GNAZ: variants seen among roughly 807,000 people sequenced by gnomAD.
GNAZ encodes the protein G protein subunit alpha z, also known as guanine nucleotide-binding protein G(z) subunit alpha.
A neutral mutation model predicts 25.4 loss-of-function variants in GNAZ; 3 were observed. The ratio of observed to expected loss-of-function variants is 0.12; its 90% CI spans 0.05 to 0.30. GNAZ has a LOEUF of 0.30. GNAZ is among the 10% of genes least tolerant of loss of function. The probability of loss-of-function intolerance (pLI) is 1.00; values close to 1 mark genes in which losing one functional copy is unlikely to be tolerated. For synonymous variants in GNAZ, 211 were observed against 205.7 expected (o/e 1.03, Z -0.22); for missense variants, 241 against 501.8 (o/e 0.48, Z 4.97).
At chr22:23,098,132 A>C (rs2069178099) in intron 2 of GNAZ, among the ~76,000 whole-genome samples, 1 of 152,172 alleles carries the variant, frequency 6.6e-6, no homozygotes, top group Non-Finnish European at 1.5e-5. Flanking sequence ...CTTGGCTCTT[A>C]CTGGCCTGTG....
At chr22:23,099,663 G>A (rs989340527) in intron 2 of GNAZ, among the ~76,000 whole-genome samples, 5 of 152,198 alleles carry the variant, frequency 3.3e-5, no homozygotes, top group East Asian at 1.9e-4. Flanking sequence ...GACCCACCAC[G>A]GGCCTCCCAC....
chr22:23,106,273 G>A (rs1026865486), intron 2 of GNAZ, among the ~76,000 whole-genome samples: 1 of 152,254 alleles, frequency 6.6e-6, no homozygotes, highest in African/African-American at 2.4e-5. Flanking sequence ...GAGGGTAAGG[G>A]GGGTGGCGCC....
rs186193996 is a variant in GNAZ, at chr22:23,122,152, A to G, written c.724-935A>G. On this transcript the variant is annotated intron_variant, in intron 2 of 2. Coordinates refer to ENST00000615612, the MANE Select transcript of GNAZ (RefSeq NM_002073.4). Reference sequence around the variant, plus strand: ...CTTTTGCCAGCAGCAAATTCCAGGTAGTTACTCCTTTTAGAAGTTAGAATT... The same window carrying G: ...CTTTTGCCAGCAGCAAATTCCAGGTGGTTACTCCTTTTAGAAGTTAGAATT... Among the ~76,000 whole-genome samples, 3 of 152,342 alleles carry G rather than the reference A, an allele frequency of 2.0e-5. No homozygotes were observed. In the East Asian group the frequency reaches 5.8e-4, roughly 29 times the overall value.
chr22:23,111,682 T>G (rs1177163667), intron 2 of GNAZ, among the ~76,000 whole-genome samples: 2 of 152,174 alleles, frequency 1.3e-5, no homozygotes, highest in Admixed American at 6.5e-5. Context: ...CACTGCAGTT[T>G]GGTGGGAGAA....
In GNAZ at chr22:23,123,472, C is replaced by T. The variant is rs374086219; in HGVS notation, c.*41C>T. On this transcript the variant is annotated 3_prime_UTR_variant, in exon 3 of 3. Transcript: ENST00000615612. ...GCCCGCCTGCCTATGGTGAAACCCACGGGGTGTCATGCCCCAACGCGTGCT... is the reference window on the plus strand; with the variant it reads ...GCCCGCCTGCCTATGGTGAAACCCATGGGGTGTCATGCCCCAACGCGTGCT... The T allele has an allele frequency of 1.7e-5, 24 of 1,376,658 alleles. No individual in the cohort carries two copies. The highest frequency in any genetic ancestry group is 7.1e-5 in the African/African-American group (5 of 69,958). The allele number at this position is 1,376,658 out of a possible 1,614,324, so 85.3% of individuals were successfully genotyped here.
At chr22:23,085,154 G>T (rs1021914725) in intron 1 of GNAZ, among the ~76,000 whole-genome samples, 2 of 152,186 alleles carry the variant, frequency 1.3e-5, no homozygotes, top group African/African-American at 4.8e-5. Flanking sequence ...TGCTGCATCT[G>T]CGGGGTCAGC....
rs1426849917 is a variant in GNAZ, at chr22:23,095,381, A to T, written c.-315A>T. On this transcript the variant is annotated 5_prime_UTR_variant, in exon 2 of 3. Transcript: ENST00000615612. ...GCAACCAGACGGCAGCAGCCGAGGC[A>T]AACACAAGCGGACGGCTTCCCACCG... The T allele has an allele frequency of 5.9e-6, 2 of 337,600 alleles. No individual in the cohort carries two copies. Among genetic ancestry groups the T allele is most frequent in the Non-Finnish European group, 1.1e-5 (2 of 182,164 alleles). 20.9% of individuals were successfully genotyped at this position (337,600 alleles called of 1,614,324 possible).
intron 2 of GNAZ, among the ~76,000 whole-genome samples, chr22:23,101,286 G>A (rs1482199695): frequency 6.6e-6 from 1 of 152,016 alleles, no homozygotes; most frequent in East Asian, 1.9e-4. Flanking sequence ...CCTGGCACTG[G>A]CCCCTGGGAA....
chr22:23,087,515 A>G (rs931996924), intron 1 of GNAZ, among the ~76,000 whole-genome samples: 1 of 152,218 alleles, frequency 6.6e-6, no homozygotes, highest in African/African-American at 2.4e-5. Context: ...GCCTAGACAG[A>G]GCCGATTCTT....
At chr22:23,115,098 C>T (rs1407585507) in intron 2 of GNAZ, among the ~76,000 whole-genome samples, 1 of 152,160 alleles carries the variant, frequency 6.6e-6, no homozygotes, top group African/African-American at 2.4e-5. Context: ...GCTGTGGCCA[C>T]AGCAAACTGC....
At chr22:23,102,302 A>G (rs1196438430) in intron 2 of GNAZ, among the ~76,000 whole-genome samples, 1 of 152,074 alleles carries the variant, frequency 6.6e-6, no homozygotes, top group Non-Finnish European at 1.5e-5. Context: ...CCAAGATGGG[A>G]GGGGGATGAG....
chr22:23,123,273 A>G lies in GNAZ; in HGVS notation c.910A>G (p.Ile304Val). ...CACGTACGAGGAGGCCGCTGTCTAC[A>G]TCCAGCGGCAGTTTGAAGACCTGAA... ...QNTYEEAAVY[I>V]QRQFEDLNRN... Residue 304 changes from isoleucine to valine, a missense_variant, in exon 3 of 3, where the codon ATC becomes GTC. Transcript: ENST00000615612. The G allele has an allele frequency of 6.2e-7, 1 of 1,614,136 alleles. No individual in the cohort carries two copies. Among genetic ancestry groups the G allele is most frequent in the Non-Finnish European group, 8.5e-7 (1 of 1,180,012 alleles).
chr22:23,102,014 G>C (rs190582833), intron 2 of GNAZ, among the ~76,000 whole-genome samples: 7 of 152,348 alleles, frequency 4.6e-5, no homozygotes, highest in Admixed American at 2.6e-4. Flanking sequence ...GATGGGGCCA[G>C]CCTCAAGAGG....
chr22:23,122,799 G>A, intron 2 of GNAZ: 1 of 473,782 alleles, frequency 2.1e-6, no homozygotes. Context: ...CACATCTGTA[G>A]CCCCAAAGCT....
intron 1 of GNAZ, among the ~76,000 whole-genome samples, chr22:23,082,029 G>T (rs1211443159): frequency 6.7e-6 from 1 of 149,998 alleles, no homozygotes; most frequent in Non-Finnish European, 1.5e-5. Context: ...GGAGGCTGAG[G>T]CAGGAGAATG....
intron 2 of GNAZ, among the ~76,000 whole-genome samples, chr22:23,113,523 A>C (rs971746034): frequency 6.6e-6 from 1 of 152,214 alleles, no homozygotes; most frequent in Non-Finnish European, 1.5e-5. Context: ...GGATTCCAGG[A>C]CTGGCTGGGG....
chr22:23,076,153 T>C (rs909805016), intron 1 of GNAZ, among the ~76,000 whole-genome samples: 2 of 152,206 alleles, frequency 1.3e-5, no homozygotes, highest in African/African-American at 2.4e-5. Context: ...GTGGGGCCTC[T>C]ATGTAGAACA....
chr22:23,080,736 C>T (rs910527589), intron 1 of GNAZ, among the ~76,000 whole-genome samples: 2 of 152,214 alleles, frequency 1.3e-5, no homozygotes, highest in South Asian at 2.1e-4. Context: ...CTTTCATGTG[C>T]GTATGCTCTC....
At chr22:23,109,810 G>C (rs1248238255) in intron 2 of GNAZ, among the ~76,000 whole-genome samples, 3 of 152,196 alleles carry the variant, frequency 2.0e-5, no homozygotes, top group Non-Finnish European at 4.4e-5. Flanking sequence ...GCAAGAGAAG[G>C]CTCAGAGCAT....
Sources: allele counts gnomAD v4.1 joint callset (sites outside exome capture counted in the v4.1 genomes callset), GRCh38; gene constraint gnomAD v4.1.1; transcripts MANE v1.5; gene names NCBI Gene and HGNC (gene_info 2026-07-23, HGNC 2026-07-21).